The following RECQL variants were observed in gnomAD, a reference collection of about 807,000 sequenced individuals.
The protein encoded by RECQL is ATP-dependent DNA helicase Q1.
A neutral mutation model predicts 75.8 loss-of-function variants in RECQL; 73 were observed. The ratio of observed to expected loss-of-function variants is 0.96; its 90% confidence interval spans 0.80 to 1.17. The LOEUF (loss-of-function observed/expected upper bound fraction) is 1.17. Ranked by LOEUF, RECQL falls within the 50% of genes most tolerant of loss-of-function variation. The pLI is 0.00. For missense variants in RECQL, 699 were observed against 772.1 expected (o/e 0.91, Z 1.12); for synonymous variants, 248 against 254.4 (o/e 0.97, Z 0.24).
In RECQL at chr12:21,501,252, C is replaced by G. The variant is rs776852522; in HGVS notation, c.-128G>C. Reference sequence around the variant, plus strand: ...AGAATGGGGAGATCAGAAGACCGGTCAGCAGGCGAACGTGCCCCTAAAGGC... The same window carrying G: ...AGAATGGGGAGATCAGAAGACCGGTGAGCAGGCGAACGTGCCCCTAAAGGC... On this transcript the variant is annotated 5_prime_UTR_variant, in exon 1 of 15. Coordinates refer to ENST00000444129, the MANE Select transcript of RECQL (RefSeq NM_002907.4). 7 of 152,210 alleles carry G rather than the reference C, an allele frequency of 4.6e-5. No homozygotes were observed. Among genetic ancestry groups the G allele is most frequent in the Non-Finnish European group, 1.0e-4 (7 of 68,088 alleles). 9.4% of individuals were successfully genotyped at this position (152,210 alleles called of 1,614,324 possible).
intron 11 of RECQL, among the ~76,000 whole-genome samples, chr12:21,473,880 C>A (rs185686868): frequency 6.6e-6 from 1 of 152,158 alleles, no homozygotes; most frequent in East Asian, 1.9e-4. Context: ...ATCACACAAT[C>A]TAAAATAATC....
chr12:21,488,879 A>T (rs181544493), intron 4 of RECQL, among the ~76,000 whole-genome samples: 1 of 152,358 alleles, frequency 6.6e-6, no homozygotes, highest in African/African-American at 2.4e-5. Context: ...CTCTTTCCAC[A>T]TGTCTTACCA....
At chr12:21,496,235 T>C (rs913077352) in intron 2 of RECQL, among the ~76,000 whole-genome samples, 7 of 152,202 alleles carry the variant, frequency 4.6e-5, no homozygotes, top group African/African-American at 1.7e-4. Flanking sequence ...ATGCCAAAAT[T>C]AATAAGGCTG....
rs1006026925 is a variant in RECQL, at chr12:21,483,468, C to T, written c.608G>A (p.Arg203Lys). 3 of 1,598,286 alleles carry T rather than the reference C, an allele frequency of 1.9e-6. No individual in the cohort carries two copies. The East Asian group carries it at 6.7e-5, about 36-fold the overall frequency. The part of the protein sequence containing the change: ...KIAKSKMFMS[R>K]LEKAYEARRF... ...CCTTGCTTCATAGGCTTTCTCTAGT[C>T]TTGACATAAACATTTTGCTTTTTGC... Residue 203 changes from arginine to lysine, a missense_variant, in exon 6 of 15, where the codon AGA becomes AAA. By Grantham distance (26) the Arg-to-Lys change is conservative. This residue lies in a region of RECQL where 669 missense variants were observed against 713.5 expected (regional missense o/e 0.94). Coordinates refer to ENST00000444129, the MANE Select transcript of RECQL (RefSeq NM_002907.4).
chr12:21,497,220 C>T (rs1168052202), intron 2 of RECQL, among the ~76,000 whole-genome samples: 2 of 152,136 alleles, frequency 1.3e-5, no homozygotes, highest in South Asian at 2.1e-4. Context: ...TAAGTGAAGG[C>T]GTGAACAAGA....
chr12:21,491,385 TC>T, intron 3 of RECQL, 133 bp downstream of exon 3: 1 of 778,204 alleles, frequency 1.3e-6, no homozygotes, highest in Non-Finnish European at 2.0e-6. Flanking sequence ...CCTGCAAGTT[TC>T]CCATTCCACT....
chr12:21,486,386 C>T, intron 5 of RECQL, 93 bp downstream of exon 5: 1 of 1,390,348 alleles, frequency 7.2e-7, no homozygotes, highest in Non-Finnish European at 9.4e-7. Context: ...AAATAGTTAA[C>T]AGTTTATAAT....
chr12:21,496,962 C>T (rs937460095), intron 2 of RECQL, among the ~76,000 whole-genome samples: 1 of 152,158 alleles, frequency 6.6e-6, no homozygotes, highest in Non-Finnish European at 1.5e-5. Flanking sequence ...TTATATGACA[C>T]CTTTGGCCTA....
At chr12:21,472,405 G>A (rs1942993508) in intron 12 of RECQL, among the ~76,000 whole-genome samples, 3 of 152,092 alleles carry the variant, frequency 2.0e-5, no homozygotes, top group African/African-American at 7.2e-5. Context: ...ATAGGAAAAT[G>A]GCGGCTCCAT....
intron 5 of RECQL, 126 bp downstream of exon 5, chr12:21,486,353 C>T (rs1943295984): frequency 8.2e-7 from 1 of 1,226,020 alleles, no homozygotes; most frequent in Admixed American, 3.4e-5. Flanking sequence ...TGGCCAAGAG[C>T]AGTAGTTTGT....
At chr12:21,481,290 G>T (rs1322864174) in intron 6 of RECQL, among the ~76,000 whole-genome samples, 3 of 152,158 alleles carry the variant, frequency 2.0e-5, no homozygotes, top group Admixed American at 2.0e-4. Flanking sequence ...TCTTTTGGGG[G>T]AATTTAGTTT....
In RECQL at chr12:21,490,360, T is replaced by C. The variant is rs1314091837; in HGVS notation, c.233A>G (p.Lys78Arg). 6.2e-7 allele frequency: 1 copy of C among 1,609,898 alleles called. No individual in the cohort carries two copies. The change falls in exon 4 of 15, where the codon AAA becomes AGA. Residue 78 changes from lysine (K) to arginine (R), a missense_variant. Coordinates refer to ENST00000444129, the MANE Select transcript of RECQL (RefSeq NM_002907.4). Reference sequence around the variant, plus strand: ...GACATTTTGCAGAATATCTTTAACTTTACCAGACCATGGAAAATCTAGGAA... The same window carrying C: ...GACATTTTGCAGAATATCTTTAACTCTACCAGACCATGGAAAATCTAGGAA... ...WNKEDFPWSG[K>R]VKDILQNVFK...
At position 21,486,687 on chromosome 12, in the gene RECQL, T is replaced by TTTTTTTTTTTA. The variant is rs1491355154; in HGVS notation, c.395-103_395-102insTAAAAAAAAAA. On this transcript the variant is annotated intron_variant, in intron 4 of 14. Coordinates refer to ENST00000444129, the MANE Select transcript of RECQL (RefSeq NM_002907.4). ...TTTTTTTTTTTTTTTTTTTTTTTTTTAGAGATGGAGTCTCACTCTCTTGCC... is the reference window on the plus strand; with the variant it reads ...TTTTTTTTTTTTTTTTTTTTTTTTTTTTTTTTTTTTAAGAGATGGAGTCTCACTCTCTTGCC... 15 of 737,672 alleles carry TTTTTTTTTTTA rather than the reference T, an allele frequency of 2.0e-5. No individual in the cohort carries two copies. In the African/African-American group the frequency reaches 3.2e-4, roughly 16 times the overall value. The allele number at this position is 737,672 out of a possible 1,614,324, so 45.7% of individuals were successfully genotyped here.
Position 21,473,655 on chromosome 12 carries a change from T to G in RECQL, c.1356-13A>C, listed in dbSNP as rs1943028265. On this transcript the variant is annotated splice_polypyrimidine_tract_variant and intron_variant, in intron 11 of 14. Coordinates refer to ENST00000444129, the MANE Select transcript of RECQL (RefSeq NM_002907.4). Reference sequence around the variant, plus strand: ...CACACGACGACATCTGCAAACACATTTAAAGATACAAATTATTAAAGGATA... The same window carrying G: ...CACACGACGACATCTGCAAACACATGTAAAGATACAAATTATTAAAGGATA... The G allele has an allele frequency of 1.0e-5, 16 of 1,606,006 alleles. No individual in the cohort carries two copies. Among genetic ancestry groups the G allele is most frequent in the Non-Finnish European group, 1.3e-5 (15 of 1,173,884 alleles).
rs2137373213 is a variant in RECQL at position 21,483,357 on chromosome 12, C to T, written c.700+19G>A. 31 of 1,572,428 alleles carry T rather than the reference C, an allele frequency of 2.0e-5. No individual in the cohort carries two copies. Among genetic ancestry groups the T allele is most frequent in the Non-Finnish European group, 2.6e-5 (30 of 1,154,388 alleles). On this transcript the variant is annotated intron_variant, in intron 6 of 14. Coordinates refer to ENST00000444129, the MANE Select transcript of RECQL (RefSeq NM_002907.4). ...ACGGTCTATGACATCAAAAAGTTTT[C>T]TAGATAAAACATACATACCAGGTCT...
At position 21,471,537 on chromosome 12, in the gene RECQL, T is replaced by A. The variant is rs1266523523; in HGVS notation, c.1558A>T (p.Met520Leu). 6.2e-7 allele frequency: 1 copy of A among 1,612,362 alleles called. No homozygotes were observed. Among genetic ancestry groups the A allele is most frequent in the South Asian group, 1.1e-5 (1 of 90,736 alleles). The change falls in exon 13 of 15, where the codon ATG becomes TTG. Residue 520 changes from methionine (M) to leucine (L), a missense_variant. Physicochemically the swap from Met to Leu is conservative, Grantham distance 15 (BLOSUM62 2). Coordinates refer to ENST00000444129, the MANE Select transcript of RECQL (RefSeq NM_002907.4). ...LTPLKLIDSW[M>L]GKGAAKLRVA... ...CTCAGTTTTGCTGCACCCTTTCCCATCCAAGAATCAATCAGTTTCAATGGA... is the reference window on the plus strand; with the variant it reads ...CTCAGTTTTGCTGCACCCTTTCCCAACCAAGAATCAATCAGTTTCAATGGA...
chr12:21,492,866 C>G (rs1209606331), intron 2 of RECQL, among the ~76,000 whole-genome samples: 1 of 152,176 alleles, frequency 6.6e-6, no homozygotes, highest in Non-Finnish European at 1.5e-5. Flanking sequence ...CAGCAGGGCA[C>G]CAGCATCCTA....
At chr12:21,492,089 A>C (rs999882490) in intron 2 of RECQL, among the ~76,000 whole-genome samples, 1 of 152,234 alleles carries the variant, frequency 6.6e-6, no homozygotes, top group Non-Finnish European at 1.5e-5. Flanking sequence ...GTTGTAGAGA[A>C]GTGGTCTAAC....
chr12:21,491,798 C>T (rs566796211), intron 2 of RECQL, 82 bp from the exon 3 acceptor site: 479 of 1,243,984 alleles, frequency 3.9e-4, no homozygotes, highest in Middle Eastern at 3.3e-3. Flanking sequence ...GGGTGTTGCC[C>T]GCCATATCAA....
Sources: allele counts gnomAD v4.1 joint callset (sites outside exome capture counted in the v4.1 genomes callset), GRCh38; gene constraint gnomAD v4.1.1; regional missense constraint gnomAD v4.1.1; transcripts MANE v1.5; gene names NCBI Gene and HGNC (gene_info 2026-07-23, HGNC 2026-07-21).